SCUBE1: variants seen among roughly 807,000 people sequenced by gnomAD.
SCUBE1 encodes the protein signal peptide, CUB and EGF-like domain-containing protein 1.
A neutral mutation model predicts 124.4 loss-of-function variants in SCUBE1; 59 were observed. The observed-to-expected ratio is 0.47, with a 90% CI of 0.38 to 0.59. The LOEUF is 0.59. Ranked by LOEUF, SCUBE1 falls within the 20% of genes least tolerant of loss-of-function variation. The probability of loss-of-function intolerance (pLI) is 0.00; values close to 1 mark genes in which losing one functional copy is unlikely to be tolerated. For missense variants in SCUBE1, 1,150 were observed against 1,371.2 expected (o/e 0.84, Z 2.55); for synonymous variants, 545 against 550.9 (o/e 0.99, Z 0.15).
At position 43,205,665 on chromosome 22, in the gene SCUBE1, C is replaced by T. The variant is rs539383484; in HGVS notation, c.2815-1516G>A. Among the ~76,000 whole-genome samples the T allele has an allele frequency of 6.6e-3, 918 of 138,300 alleles. 24 individuals are homozygous for T. Among genetic ancestry groups the T allele is most frequent in the African/African-American group, 0.025 (860 of 34,522 alleles). 90.7% of individuals were successfully genotyped at this position (138,300 alleles called of 152,430 possible). On this transcript the variant is annotated intron_variant, in intron 21 of 21. Transcript: ENST00000360835. ...CACACACTCACCCCCACACACACCA[C>T]ACACCCACTCACCACTCACTCACCC...
chr22:43,235,866 C>T (rs567849496), intron 7 of SCUBE1, among the ~76,000 whole-genome samples: 5 of 152,054 alleles, frequency 3.3e-5, no homozygotes, highest in Admixed American at 1.3e-4. Context: ...CAAACGGGCA[C>T]GGTACCCAGC....
In SCUBE1 at chr22:43,211,176, G is replaced by C; in HGVS notation, c.2222-93C>G. 5 of 1,356,758 alleles carry C rather than the reference G, an allele frequency of 3.7e-6. No homozygotes were observed. The highest frequency in any genetic ancestry group is 5.1e-6 in the Non-Finnish European group (5 of 985,684). The allele number at this position is 1,356,758 out of a possible 1,614,324, so 84.0% of individuals were successfully genotyped here. On this transcript the variant is annotated intron_variant, in intron 17 of 21. Coordinates refer to ENST00000360835, the MANE Select transcript of SCUBE1 (RefSeq NM_173050.5). This position sits in a 1 kb window ranked among gnomAD's most constrained non-coding sequence, Gnocchi z 4.5. ...TGTCCCCAGGACCTCTCATGCCCTC[G>C]AGGTCTGTTTTGGCACAGAGTTCAA... is the stretch of plus-strand genomic sequence containing the variant.
At chr22:43,231,941 GA>G in intron 7 of SCUBE1, 66 bp from the exon 8 acceptor site, 1 of 1,589,136 alleles carries the variant, frequency 6.3e-7, no homozygotes, top group South Asian at 1.1e-5. Flanking sequence ...CCAGCGGGGG[GA>G]CGGCAGGCTA....
chr22:43,338,420 T>C (rs1927155593), intron 2 of SCUBE1, among the ~76,000 whole-genome samples: 1 of 152,204 alleles, frequency 6.6e-6, no homozygotes, highest in South Asian at 2.1e-4. Context: ...TTAGGGACTC[T>C]GGGGGTCGGG....
At chr22:43,219,225 C>G (rs1194767743) in intron 14 of SCUBE1, among the ~76,000 whole-genome samples, 5 of 152,174 alleles carry the variant, frequency 3.3e-5, no homozygotes, top group Non-Finnish European at 7.3e-5. Flanking sequence ...GCTGGCTCTA[C>G]TAGTCGCCAC....
chr22:43,220,657 A>G, intron 13 of SCUBE1, 70 bp from the exon 14 acceptor site: 2 of 1,558,304 alleles, frequency 1.3e-6, no homozygotes, highest in South Asian at 1.2e-5. Flanking sequence ...CAAGCCCTGC[A>G]TACAGAGTGC....
At chr22:43,287,643 C>T (rs546471852) in intron 4 of SCUBE1, among the ~76,000 whole-genome samples, 1 of 152,318 alleles carries the variant, frequency 6.6e-6, no homozygotes, top group South Asian at 2.1e-4. Flanking sequence ...GTGCTTTTCT[C>T]CCTGTTCAGG....
chr22:43,323,347 T>A (rs1176455394), intron 2 of SCUBE1, among the ~76,000 whole-genome samples: 1 of 151,998 alleles, frequency 6.6e-6, no homozygotes, highest in East Asian at 1.9e-4. Context: ...CTACTCACCC[T>A]CAACCTATCC....
At chr22:43,309,813 C>G (rs1926107468) in intron 3 of SCUBE1, among the ~76,000 whole-genome samples, 1 of 152,046 alleles carries the variant, frequency 6.6e-6, no homozygotes, top group South Asian at 2.1e-4. Flanking sequence ...CTCTCTTCTC[C>G]CTGTACCTCT....
chr22:43,241,863 C>T (rs112707689), intron 6 of SCUBE1, among the ~76,000 whole-genome samples: 12,266 of 152,278 alleles, frequency 0.081, 560 homozygotes, highest in Non-Finnish European at 0.11. Flanking sequence ...GTCCCCGGGA[C>T]GCTCTCTGCC....
chr22:43,335,802 GTGATGA>G (rs1208851824), intron 2 of SCUBE1, among the ~76,000 whole-genome samples: 3 of 138,526 alleles, frequency 2.2e-5, no homozygotes, highest in Non-Finnish European at 1.5e-5. Flanking sequence ...GATGATGATG[GTGATGA>G]TGATGATGAT....
At chr22:43,223,268 C>T in intron 10 of SCUBE1, 52 bp from the exon 11 acceptor site, 3 of 1,530,694 alleles carry the variant, frequency 2.0e-6, no homozygotes, top group African/African-American at 1.4e-5. Context: ...CGGAGGCTTC[C>T]TGGAGCCAGG....
In SCUBE1 at chr22:43,197,826, T is replaced by C. The variant is rs1177202966; in HGVS notation, c.*6171A>G. The stretch of plus-strand genomic sequence containing the variant: ...GTCTTTTCTCCGAACGAGTTTTTCG[T>C]GCTTGTGAAGGAGGGAAGGAATGTC... On this transcript the variant is annotated 3_prime_UTR_variant, in exon 22 of 22. Coordinates refer to ENST00000360835, the MANE Select transcript of SCUBE1 (RefSeq NM_173050.5). The C allele has an allele frequency of 6.6e-6, 1 of 152,238 alleles. No individual in the cohort carries two copies. The highest frequency in any genetic ancestry group is 1.5e-5 in the Non-Finnish European group (1 of 68,084). 9.4% of individuals were successfully genotyped at this position (152,238 alleles called of 1,614,324 possible).
intron 4 of SCUBE1, among the ~76,000 whole-genome samples, chr22:43,278,738 T>C (rs1225345454): frequency 1.3e-5 from 2 of 152,212 alleles, no homozygotes; most frequent in Non-Finnish European, 2.9e-5. Flanking sequence ...CCTGAAGTCC[T>C]GCCCCCCCAG....
intron 4 of SCUBE1, among the ~76,000 whole-genome samples, chr22:43,268,839 GA>G (rs1354246419): frequency 6.6e-6 from 1 of 152,196 alleles, no homozygotes; most frequent in Non-Finnish European, 1.5e-5. Flanking sequence ...GTGTCAGAAA[GA>G]TCTCTGGAGG....
chr22:43,285,253 C>G (rs988855393), intron 4 of SCUBE1, among the ~76,000 whole-genome samples: 4 of 152,168 alleles, frequency 2.6e-5, no homozygotes, highest in Admixed American at 1.3e-4. Context: ...AACAGCACGA[C>G]CTGAGGGCGC....
intron 3 of SCUBE1, among the ~76,000 whole-genome samples, chr22:43,295,365 G>T (rs772845243): frequency 1.3e-5 from 2 of 152,252 alleles, no homozygotes; most frequent in Non-Finnish European, 2.9e-5. Context: ...GCCCTGGGGT[G>T]AGGACAGATC....
At chr22:43,217,883 C>A (rs576243197) in intron 15 of SCUBE1, among the ~76,000 whole-genome samples, 1 of 152,348 alleles carries the variant, frequency 6.6e-6, no homozygotes, top group South Asian at 2.1e-4. Flanking sequence ...GGCTCCCCAA[C>A]TCCTGGAGCC....
intron 4 of SCUBE1, among the ~76,000 whole-genome samples, chr22:43,289,389 T>A (rs1440976200): frequency 6.6e-6 from 1 of 152,190 alleles, no homozygotes. Context: ...GGGAGCCACC[T>A]GGGTGGAGTG....
Sources: allele counts gnomAD v4.1 joint callset (sites outside exome capture counted in the v4.1 genomes callset), GRCh38; gene constraint gnomAD v4.1.1; non-coding constraint Gnocchi (gnomAD v3.1); transcripts MANE v1.5; gene names NCBI Gene and HGNC (gene_info 2026-07-23, HGNC 2026-07-21).